Variants in DTD1 observed in about 807,000 individuals in gnomAD.
DTD1 encodes the protein D-aminoacyl-tRNA deacylase 1.
A neutral mutation model predicts 25.6 loss-of-function variants in DTD1; 13 were observed. The ratio of observed to expected loss-of-function variants is 0.51; its 90% CI spans 0.33 to 0.81. DTD1 has a LOEUF of 0.81. Ranked by LOEUF, DTD1 falls within the 30% of genes least tolerant of loss-of-function variation. The probability of loss-of-function intolerance (pLI) is 0.02; values close to 1 mark genes in which losing one functional copy is unlikely to be tolerated. For missense variants in DTD1, 193 were observed against 266.4 expected (o/e 0.72, Z 1.92); for synonymous variants, 110 against 103.6 (o/e 1.06, Z -0.37).
rs1358494312 is a variant in DTD1, at chr20:18,638,495, A to G, written c.477+10262A>G. On this transcript the variant is annotated intron_variant, in intron 4 of 5. Transcript: ENST00000377452. ...AAGCGCTAGGGAAGGATGCTGAGAT[A>G]AGAGGGAGCCAGTGAAGACTGAAGG... 3.9e-5 allele frequency among the ~76,000 whole-genome samples: 6 copies of G among 152,148 alleles called. No individual in the cohort carries two copies. The East Asian group carries it at 5.8e-4, about 15-fold the overall frequency.
At chr20:18,706,091 TGTTGCCAAAGATTCAGCAGTTGTTGGTTC>T (rs989320162) in intron 4 of DTD1, among the ~76,000 whole-genome samples, 6 of 152,352 alleles carry the variant, frequency 3.9e-5, no homozygotes, top group South Asian at 2.1e-4. Context: ...TTGTGTGGTT[TGTTGCCAAAGATTCAGCAGTTGTTGGTTC>T]GTTGCCAAAG....
Position 18,631,134 on chromosome 20 carries a change from G to T in DTD1, c.477+2901G>T. The T allele has an allele frequency of 3.0e-6, 3 of 985,490 alleles. No homozygotes were observed. In the African/African-American group the frequency reaches 5.2e-5, roughly 17 times the overall value. The allele number at this position is 985,490 out of a possible 1,614,324, so 61.0% of individuals were successfully genotyped here. A position where few individuals can be genotyped will look rare whatever the true frequency, so the allele number is the denominator to read the frequency against. ...GGGAAAGAAGCCAGCAGATGGCATTGACTCTGCTTCTCTATCCCCCTTCTG... is the reference window on the plus strand; with the variant it reads ...GGGAAAGAAGCCAGCAGATGGCATTTACTCTGCTTCTCTATCCCCCTTCTG... On this transcript the variant is annotated intron_variant, in intron 4 of 5. Coordinates refer to ENST00000377452, the MANE Select transcript of DTD1 (RefSeq NM_080820.6).
chr20:18,746,018 A>G (rs1314150282), intron 5 of DTD1, among the ~76,000 whole-genome samples: 2 of 151,808 alleles, frequency 1.3e-5, no homozygotes, highest in African/African-American at 4.8e-5. Context: ...TGTAAAGGAA[A>G]TAGAATCATT....
intron 4 of DTD1, among the ~76,000 whole-genome samples, chr20:18,684,777 G>A (rs2061010268): frequency 6.6e-6 from 1 of 152,106 alleles, no homozygotes; most frequent in South Asian, 2.1e-4. Context: ...GCCTTTTCTT[G>A]TTATAAGAAT....
chr20:18,609,152 T>G (rs990921609), intron 3 of DTD1, among the ~76,000 whole-genome samples: 19 of 151,910 alleles, frequency 1.3e-4, no homozygotes, highest in African/African-American at 4.4e-4. Context: ...TAACTTTATT[T>G]TTTTTTTTGA....
chr20:18,685,549 C>T (rs1276670599), intron 4 of DTD1, among the ~76,000 whole-genome samples: 1 of 152,184 alleles, frequency 6.6e-6, no homozygotes, highest in African/African-American at 2.4e-5. Flanking sequence ...GCGCCTCGCT[C>T]CAGCTTCAGT....
chr20:18,676,130 C>A (rs546175988), intron 4 of DTD1, among the ~76,000 whole-genome samples: 1 of 152,156 alleles, frequency 6.6e-6, no homozygotes, highest in Non-Finnish European at 1.5e-5. Flanking sequence ...TGTACTGAAT[C>A]TTGCCATGTA....
intron 4 of DTD1, among the ~76,000 whole-genome samples, chr20:18,684,253 C>A (rs980224431): frequency 6.6e-6 from 1 of 152,028 alleles, no homozygotes; most frequent in Non-Finnish European, 1.5e-5. Flanking sequence ...CTCACTTTCA[C>A]ACTAGTTCAT....
chr20:18,756,627 A>G (rs1444468433), intron 5 of DTD1, among the ~76,000 whole-genome samples: 5 of 152,024 alleles, frequency 3.3e-5, no homozygotes, highest in Non-Finnish European at 5.9e-5. Flanking sequence ...CCATTGGTCT[A>G]TATCTCTGTT....
rs980727134 is a variant in DTD1, at chr20:18,596,087, C to T, written c.216C>T (p.Tyr72=). The change falls in exon 3 of 6, where the codon TAC becomes TAT. Residue 72 remains tyrosine, a synonymous_variant. Transcript: ENST00000377452. Reference sequence around the variant, plus strand: ...CGAAGAGTGTGATGGACAAACAGTACGAGATTCTGTGTGTCAGCCAGTTTA... The same window carrying T: ...CGAAGAGTGTGATGGACAAACAGTATGAGATTCTGTGTGTCAGCCAGTTTA... ...HWSKSVMDKQ[Y]EILCVSQFTL... 34 of 1,614,000 alleles carry T rather than the reference C, an allele frequency of 2.1e-5. No individual in the cohort carries two copies. Among genetic ancestry groups the T allele is most frequent in the South Asian group, 1.3e-4 (12 of 91,092 alleles).
intron 4 of DTD1, among the ~76,000 whole-genome samples, chr20:18,726,557 G>T (rs2061223159): frequency 6.6e-6 from 1 of 152,148 alleles, no homozygotes; most frequent in Admixed American, 6.5e-5. Context: ...CCTTGTGCAT[G>T]GATGTGAAGA....
chr20:18,664,389 A>G (rs4813338), intron 4 of DTD1, among the ~76,000 whole-genome samples: 69,244 of 152,066 alleles, frequency 0.46, 16,672 homozygotes, highest in East Asian at 0.58. Flanking sequence ...GTCTTCTAGG[A>G]TGTTCTAATG....
intron 3 of DTD1, among the ~76,000 whole-genome samples, chr20:18,617,061 C>T (rs552870164): frequency 1.2e-3 from 180 of 152,188 alleles, no homozygotes; most frequent in African/African-American, 3.5e-3. Context: ...GAATTTCCTC[C>T]GCACTTCTGG....
chr20:18,652,641 G>A (rs1321030835), intron 4 of DTD1, among the ~76,000 whole-genome samples: 2 of 152,068 alleles, frequency 1.3e-5, no homozygotes, highest in African/African-American at 2.4e-5. Flanking sequence ...ACCCATAAGC[G>A]GACTCTGCTA....
chr20:18,738,294 A>G (rs2061264557), intron 4 of DTD1, among the ~76,000 whole-genome samples: 1 of 152,320 alleles, frequency 6.6e-6, no homozygotes, highest in African/African-American at 2.4e-5. Flanking sequence ...AGCAAGTCAC[A>G]TGACCTTGCT....
intron 4 of DTD1, among the ~76,000 whole-genome samples, chr20:18,740,417 G>T (rs2061273006): frequency 1.3e-5 from 2 of 151,896 alleles, no homozygotes; most frequent in African/African-American, 4.8e-5. Flanking sequence ...ATCTAATTTG[G>T]ACCTGTTCAT....
chr20:18,661,371 CTT>C (rs565601536), intron 4 of DTD1, among the ~76,000 whole-genome samples: 50 of 120,156 alleles, frequency 4.2e-4, no homozygotes, highest in African/African-American at 5.3e-4. Flanking sequence ...GTCTTCTAGT[CTT>C]TTTTTTTTTT....
chr20:18,595,408 A>T (rs2060606743), intron 2 of DTD1, among the ~76,000 whole-genome samples: 1 of 152,056 alleles, frequency 6.6e-6, no homozygotes, highest in Admixed American at 6.6e-5. Flanking sequence ...CTGGGATTAA[A>T]GGCGCCCGCC....
At chr20:18,722,194 C>A (rs1295947545) in intron 4 of DTD1, among the ~76,000 whole-genome samples, 2 of 152,220 alleles carry the variant, frequency 1.3e-5, no homozygotes, top group Non-Finnish European at 2.9e-5. Flanking sequence ...GGCATGGCTG[C>A]ATGTTCTTAC....
Sources: allele counts gnomAD v4.1 joint callset (sites outside exome capture counted in the v4.1 genomes callset), GRCh38; gene constraint gnomAD v4.1.1; transcripts MANE v1.5; gene names NCBI Gene and HGNC (gene_info 2026-07-23, HGNC 2026-07-21).